Variants in RRM1 observed in about 807,000 individuals in gnomAD.
RRM1 encodes ribonucleoside-diphosphate reductase large subunit.
RRM1 carries 19 observed loss-of-function variants against 101.5 expected under a neutral mutation model. That is an observed-to-expected ratio of 0.19 (90% CI 0.13 to 0.27). The LOEUF (loss-of-function observed/expected upper bound fraction) is 0.27. RRM1 is among the 10% of genes least tolerant of loss of function. RRM1 has a pLI of 1.00. For missense variants in RRM1, 500 were observed against 962.9 expected (o/e 0.52, Z 6.36); for synonymous variants, 298 against 323.4 (o/e 0.92, Z 0.84).
Position 4,133,581 on chromosome 11 carries a change from T to A in RRM1, c.1924T>A (p.Leu642Met). ...GEFQIVNPHLLKDLTERGLWH... is the reference protein window; with the variant it reads ...GEFQIVNPHLMKDLTERGLWH... ...CATTCAGATTGTAAATCCTCACTTA[T>A]TGAAAGATCTTACCGAGCGGGGCCT... Residue 642 changes from leucine to methionine, a missense_variant, in exon 17 of 19, where the codon TTG (leucine) becomes ATG (methionine). By Grantham distance (15) the Leu-to-Met change is conservative (BLOSUM62 2). Around this residue, in one of 9 missense-constraint regions of RRM1, gnomAD observed 79 missense variants for 176.4 expected, o/e 0.45. Coordinates refer to ENST00000300738, the MANE Select transcript of RRM1 (RefSeq NM_001033.5). 1 of 1,609,448 alleles carries A rather than the reference T, an allele frequency of 6.2e-7. No homozygotes were observed. The highest frequency in any genetic ancestry group is 8.5e-7 in the Non-Finnish European group (1 of 1,176,880).
chr11:4,133,875 C>G, intron 17 of RRM1, among the ~76,000 whole-genome samples: 1 of 151,638 alleles, frequency 6.6e-6, no homozygotes, highest in Non-Finnish European at 1.5e-5. Context: ...AAAAGTAGTT[C>G]TCAATTTTTC....
In RRM1 at chr11:4,123,269, C is replaced by G; in HGVS notation, c.1205C>G (p.Thr402Ser). The change falls in exon 12 of 19, where the codon ACC becomes AGC. Residue 402 changes from threonine (T) to serine (S), a missense_variant. Physicochemically the swap from Thr to Ser is moderately conservative, Grantham distance 58. Transcript: ENST00000300738. The stretch of plus-strand genomic sequence containing the variant: ...ATTGAGTCTCAGACGGAAACAGGCA[C>G]CCCGTATATGCTCTACAAAGATTCC... ...AIIESQTETGTPYMLYKDSCN... is the reference protein window; with the variant it reads ...AIIESQTETGSPYMLYKDSCN... The G allele has an allele frequency of 1.2e-6, 2 of 1,614,012 alleles. No homozygotes were observed. The highest frequency in any genetic ancestry group is 1.1e-5 in the South Asian group (1 of 91,072).
Position 4,132,471 on chromosome 11 carries a change from G to C in RRM1, c.1905+50G>C. 2 of 1,602,628 alleles carry C rather than the reference G, an allele frequency of 1.2e-6. No homozygotes were observed. The highest frequency in any genetic ancestry group is 1.7e-6 in the Non-Finnish European group (2 of 1,172,444). ...CAGGGAGATCTTTCAAAAGCCTGATGTTGGGAGTAAATGCTCACTCATGTT... is the reference window on the plus strand; with the variant it reads ...CAGGGAGATCTTTCAAAAGCCTGATCTTGGGAGTAAATGCTCACTCATGTT... On this transcript the variant is annotated intron_variant, in intron 16 of 18. Coordinates refer to ENST00000300738, the MANE Select transcript of RRM1 (RefSeq NM_001033.5). The surrounding 1 kb of genome is among the most constrained non-coding windows in gnomAD (Gnocchi z 4.1).
At position 4,134,867 on chromosome 11, in the gene RRM1, C is replaced by T. The variant is rs140688260; in HGVS notation, c.2002-215C>T. Among the ~76,000 whole-genome samples the T allele has an allele frequency of 7.9e-5, 12 of 152,284 alleles. No individual in the cohort carries two copies. In the East Asian group the frequency reaches 1.9e-3, roughly 24 times the overall value. On this transcript the variant is annotated intron_variant, in intron 17 of 18. Coordinates refer to ENST00000300738, the MANE Select transcript of RRM1 (RefSeq NM_001033.5). ...AAAAAAGGGATGCTGAAATTACTATCACCAGATTGATATTTGGTTGGTTAG... is the reference window on the plus strand; with the variant it reads ...AAAAAAGGGATGCTGAAATTACTATTACCAGATTGATATTTGGTTGGTTAG...
intron 16 of RRM1, 70 bp from the exon 17 acceptor site, chr11:4,133,493 C>A: frequency 1.1e-6 from 1 of 930,658 alleles, no homozygotes; most frequent in Non-Finnish European, 1.7e-6. Context: ...GTTTAAGCTT[C>A]AAAGCTGTAG....
intron 4 of RRM1, among the ~76,000 whole-genome samples, chr11:4,108,087 AG>A (rs1424300029): frequency 4.6e-5 from 7 of 152,224 alleles, no homozygotes. Context: ...AAATTTTGAT[AG>A]GCATTGCCAA....
intron 15 of RRM1, among the ~76,000 whole-genome samples, chr11:4,130,066 T>TTTTATATATATATATA (rs1554976191): frequency 3.0e-5 from 1 of 32,988 alleles, no homozygotes; most frequent in South Asian, 1.5e-3. Context: ...TGTACTGTAT[T>TTTTATATATATATATA]TATATATATA....
intron 12 of RRM1, among the ~76,000 whole-genome samples, chr11:4,123,694 G>A (rs2094585230): frequency 1.3e-5 from 2 of 152,174 alleles, no homozygotes; most frequent in African/African-American, 2.4e-5. Flanking sequence ...AAATGTGTTA[G>A]GATGTACATT....
Position 4,132,745 on chromosome 11 carries a change from A to C in RRM1, c.1905+324A>C, listed in dbSNP as rs544953710. Among the ~76,000 whole-genome samples, 1 of 152,336 alleles carries C rather than the reference A, an allele frequency of 6.6e-6. No homozygotes were observed. The highest frequency in any genetic ancestry group is 2.4e-5 in the African/African-American group (1 of 41,578). ...CAGATGCTTAAGTTAGGATACTCAAAATGTATAAAGAAGTATCATTTAAGG... is the reference window on the plus strand; with the variant it reads ...CAGATGCTTAAGTTAGGATACTCAACATGTATAAAGAAGTATCATTTAAGG... On this transcript the variant is annotated intron_variant, in intron 16 of 18. Coordinates refer to ENST00000300738, the MANE Select transcript of RRM1 (RefSeq NM_001033.5). The surrounding 1 kb of genome is among the most constrained non-coding windows in gnomAD (Gnocchi z 4.1).
At chr11:4,130,516 C>CG (rs972133750) in intron 15 of RRM1, among the ~76,000 whole-genome samples, 22 of 151,872 alleles carry the variant, frequency 1.4e-4, no homozygotes, top group Admixed American at 1.4e-3. Flanking sequence ...GGCAACATGG[C>CG]GAAACTTAGT....
chr11:4,125,039 C>G (rs1014890265), intron 12 of RRM1, among the ~76,000 whole-genome samples: 4 of 151,602 alleles, frequency 2.6e-5, no homozygotes, highest in African/African-American at 9.7e-5. Flanking sequence ...CTCAGCCTCC[C>G]GAGTAGCTGG....
intron 7 of RRM1, among the ~76,000 whole-genome samples, chr11:4,114,488 T>G (rs1002018859): frequency 1.1e-4 from 17 of 150,600 alleles, no homozygotes; most frequent in Non-Finnish European, 1.3e-4. Flanking sequence ...AGGCGGAGGT[T>G]GCAGTGAGCC....
chr11:4,128,857 T>C (rs1203139359), intron 14 of RRM1, among the ~76,000 whole-genome samples: 1 of 152,148 alleles, frequency 6.6e-6, no homozygotes, highest in African/African-American at 2.4e-5. Context: ...AGATATGACA[T>C]GGGATAATCA....
chr11:4,110,885 T>G (rs188537964), intron 5 of RRM1, among the ~76,000 whole-genome samples: 1 of 151,932 alleles, frequency 6.6e-6, no homozygotes, highest in Admixed American at 6.6e-5. Flanking sequence ...TTAATCCCCA[T>G]GAGGAGTCTT....
chr11:4,138,791 AT>A lies in RRM1; in HGVS notation c.*409del, dbSNP rs2094619314. The A allele has an allele frequency of 4.8e-6, 1 of 206,238 alleles. No individual in the cohort carries two copies. The highest frequency in any genetic ancestry group is 2.3e-5 in the African/African-American group (1 of 43,972). The allele number at this position is 206,238 out of a possible 1,614,324, so 12.8% of individuals were successfully genotyped here. The stretch of plus-strand genomic sequence containing the variant: ...GGGTCTCTAGAAGCAAAACTGAGTG[AT>A]AACTCATGAGAAGTACTGATAGGAC... On this transcript the variant is annotated 3_prime_UTR_variant, in exon 19 of 19. Transcript: ENST00000300738.
In RRM1 at chr11:4,119,895, C is replaced by A; in HGVS notation, c.843C>A (p.Asn281Lys). The A allele has an allele frequency of 6.2e-7, 1 of 1,606,358 alleles. No homozygotes were observed. Among genetic ancestry groups the A allele is most frequent in the Non-Finnish European group, 8.5e-7 (1 of 1,173,418 alleles). ...GLVPMLRVYN[N>K]TARYVDQGGN... ...TACCGATGCTGAGAGTATATAACAA[C>A]ACAGCTCGATATGTGGATCAAGGTG... is the stretch of plus-strand genomic sequence containing the variant. Residue 281 changes from asparagine (N) to lysine (K), a missense_variant, in exon 9 of 19, where the codon AAC becomes AAA. Coordinates refer to ENST00000300738, the MANE Select transcript of RRM1 (RefSeq NM_001033.5).
chr11:4,096,632 G>T (rs2094543892), intron 1 of RRM1, among the ~76,000 whole-genome samples: 1 of 152,002 alleles, frequency 6.6e-6, no homozygotes, highest in Admixed American at 6.6e-5. Context: ...TGAGAGCTGA[G>T]CATCTATTTT....
chr11:4,138,541 T>C lies in RRM1; in HGVS notation c.*158T>C. 1.9e-4 allele frequency: 1 copy of C among 5,138 alleles called. No homozygotes were observed. Among genetic ancestry groups the C allele is most frequent in the Non-Finnish European group, 8.8e-4 (1 of 1,140 alleles). The allele number at this position is 5,138 out of a possible 1,614,324, so 0.3% of individuals were successfully genotyped here. On this transcript the variant is annotated 3_prime_UTR_variant, in exon 19 of 19. Transcript: ENST00000300738. ...AAAGTACTGTTAATGATGATAATGA[T>C]TTTTTTTTTAAACTCATATATTGGG...
At chr11:4,112,638 G>A (rs2119986) in intron 7 of RRM1, among the ~76,000 whole-genome samples, 77,704 of 152,096 alleles carry the variant, frequency 0.51, 20,347 homozygotes, top group Non-Finnish European at 0.58. Flanking sequence ...TGCTGGGATT[G>A]TAGGCATGAG....
Sources: gnomAD v4.1 joint callset for allele counts (sites outside exome capture counted in the v4.1 genomes callset) on GRCh38, gnomAD v4.1.1 for gene constraint, gnomAD v4.1.1 regional missense constraint, Gnocchi (gnomAD v3.1) non-coding constraint, MANE v1.5 for transcripts, NCBI Gene and HGNC (gene_info 2026-07-23, HGNC 2026-07-21) for gene names.